GRXCR1: variants seen among roughly 807,000 people sequenced by gnomAD.
The protein encoded by GRXCR1 is glutaredoxin and cysteine rich domain containing 1.
A neutral mutation model predicts 27.3 loss-of-function variants in GRXCR1; 27 were observed. That is an observed-to-expected ratio of 0.99 (90% CI 0.73 to 1.37). The LOEUF (loss-of-function observed/expected upper bound fraction) is 1.37, where lower values mean the gene tolerates loss of function less well. Ranked by LOEUF, GRXCR1 falls within the 40% of genes most tolerant of loss-of-function variation. The probability of loss-of-function intolerance (pLI) is 0.00; values close to 1 mark genes in which losing one functional copy is unlikely to be tolerated. For synonymous variants in GRXCR1, 122 were observed against 131.1 expected, an observed-to-expected ratio of 0.93 and a Z score of 0.47; for missense variants, 379 against 354.4, an observed-to-expected ratio of 1.07 and a Z score of -0.56.
At chr4:43,020,454 C>T (rs543219904) in intron 3 of GRXCR1, 35 bp downstream of exon 3, 1 of 1,298,680 alleles carries the variant, frequency 7.7e-7, no homozygotes, top group South Asian at 1.2e-5. Context: ...TTTTAGTAAT[C>T]AAAATATTAA....
Position 42,932,335 on chromosome 4 carries a change from C to T in GRXCR1, c.385-30557C>T, listed in dbSNP as rs1747331893. Among the ~76,000 whole-genome samples, 3 of 151,642 alleles carry T rather than the reference C, an allele frequency of 2.0e-5. No homozygotes were observed. The South Asian group carries it at 6.2e-4, about 31-fold the overall frequency. ...TGTTCAGTCCCTGGAATATATTTCC[C>T]ACAGCAGTATTCTTACACAAGGATT... On this transcript the variant is annotated intron_variant, in intron 1 of 3. Transcript: ENST00000399770.
At chr4:42,952,476 A>G (rs1747908635) in intron 1 of GRXCR1, among the ~76,000 whole-genome samples, 1 of 151,894 alleles carries the variant, frequency 6.6e-6, no homozygotes, top group Non-Finnish European at 1.5e-5. Context: ...ACCACCCCCT[A>G]CCTCACCAAC....
At chr4:42,992,207 A>G (rs1577935761) in intron 2 of GRXCR1, among the ~76,000 whole-genome samples, 2 of 152,304 alleles carry the variant, frequency 1.3e-5, no homozygotes, top group East Asian at 3.9e-4. Context: ...GCTGTTTCTT[A>G]AGAAGATTAT....
At chr4:42,991,824 C>A (rs1328638303) in intron 2 of GRXCR1, among the ~76,000 whole-genome samples, 7 of 152,122 alleles carry the variant, frequency 4.6e-5, no homozygotes, top group African/African-American at 1.7e-4. Context: ...AATCAATTTT[C>A]AATCCCTTGG....
intron 1 of GRXCR1, among the ~76,000 whole-genome samples, chr4:42,951,634 A>G (rs1179083652): frequency 6.6e-6 from 1 of 152,186 alleles, no homozygotes; most frequent in Non-Finnish European, 1.5e-5. Flanking sequence ...GTATATACTC[A>G]GTAATGGGAT....
intron 1 of GRXCR1, among the ~76,000 whole-genome samples, chr4:42,898,339 C>T (rs1235548175): frequency 6.6e-6 from 1 of 151,844 alleles, no homozygotes; most frequent in Non-Finnish European, 1.5e-5. Context: ...TATATCATTT[C>T]TATAACATCG....
chr4:42,993,944 G>A (rs1025660012), intron 2 of GRXCR1, among the ~76,000 whole-genome samples: 2 of 152,016 alleles, frequency 1.3e-5, no homozygotes, highest in Non-Finnish European at 2.9e-5. Flanking sequence ...GAAGAAAATC[G>A]ACCCAAGCAC....
chr4:42,939,007 G>C (rs1331897579), intron 1 of GRXCR1, among the ~76,000 whole-genome samples: 1 of 151,792 alleles, frequency 6.6e-6, no homozygotes. Flanking sequence ...TGTGGTTCCA[G>C]ATAAATTTTA....
chr4:42,921,292 C>T (rs963582953), intron 1 of GRXCR1, among the ~76,000 whole-genome samples: 1 of 152,084 alleles, frequency 6.6e-6, no homozygotes, highest in Non-Finnish European at 1.5e-5. Flanking sequence ...ACTTCCCACC[C>T]TCTAGAACTC....
intron 2 of GRXCR1, among the ~76,000 whole-genome samples, chr4:42,969,627 G>A (rs967930103): frequency 6.6e-6 from 1 of 152,054 alleles, no homozygotes; most frequent in Admixed American, 6.6e-5. Flanking sequence ...GTGAGAACCT[G>A]CTATCATGAG....
At chr4:42,911,710 T>C (rs1332278474) in intron 1 of GRXCR1, among the ~76,000 whole-genome samples, 1 of 152,156 alleles carries the variant, frequency 6.6e-6, no homozygotes, top group Non-Finnish European at 1.5e-5. Context: ...TGTGAAATCT[T>C]GGGCAAAATC....
chr4:42,945,485 G>T (rs1296122404), intron 1 of GRXCR1, among the ~76,000 whole-genome samples: 2 of 151,942 alleles, frequency 1.3e-5, no homozygotes, highest in African/African-American at 4.8e-5. Context: ...TTTGGGAGTG[G>T]TAACACCATG....
Position 42,963,033 on chromosome 4 carries a change from G to T in GRXCR1, c.526G>T (p.Ala176Ser), listed in dbSNP as rs1326703584. Residue 176 changes from alanine (A) to serine (S), a missense_variant, in exon 2 of 4, where the codon GCC (alanine) becomes TCC (serine). Transcript: ENST00000399770. ...CGTAAAATTTGAAGAGAAAAACATA[G>T]CCCTGAATGGTGAATATGGAAAAGA... Reference protein sequence around the residue: ...HRVKFEEKNIALNGEYGKELD... With the variant: ...HRVKFEEKNISLNGEYGKELD... The T allele has an allele frequency of 6.2e-7, 1 of 1,612,740 alleles. No individual in the cohort carries two copies. The highest frequency in any genetic ancestry group is 8.5e-7 in the Non-Finnish European group (1 of 1,179,122).
intron 3 of GRXCR1, among the ~76,000 whole-genome samples, chr4:43,027,199 C>A (rs1432427094): frequency 6.6e-6 from 1 of 152,162 alleles, no homozygotes; most frequent in Non-Finnish European, 1.5e-5. Flanking sequence ...ATGTGTCAGG[C>A]AATGTGCTGT....
chr4:43,021,961 T>C (rs1272260031), intron 3 of GRXCR1, among the ~76,000 whole-genome samples: 1 of 152,212 alleles, frequency 6.6e-6, no homozygotes. Context: ...CACCTGCCAG[T>C]ATCTTGATTT....
At chr4:42,980,210 T>A (rs1266822963) in intron 2 of GRXCR1, among the ~76,000 whole-genome samples, 1 of 152,000 alleles carries the variant, frequency 6.6e-6, no homozygotes, top group Non-Finnish European at 1.5e-5. Context: ...CTTGTACATC[T>A]TGTTTCTTGA....
chr4:42,971,018 G>A (rs961544923), intron 2 of GRXCR1, among the ~76,000 whole-genome samples: 10 of 152,030 alleles, frequency 6.6e-5, no homozygotes, highest in Non-Finnish European at 1.0e-4. Context: ...TCTTCTGCCC[G>A]GATACCCTAA....
At position 42,893,488 on chromosome 4, in the gene GRXCR1, G is replaced by T. The variant is rs749942331; in HGVS notation, c.222G>T (p.Glu74Asp). The T allele has an allele frequency of 6.2e-7, 1 of 1,613,884 alleles. No individual in the cohort carries two copies. The highest frequency in any genetic ancestry group is 1.7e-5 in the Admixed American group (1 of 59,978). ...TAGAGTCAGAAGGTGATGAGAATGA[G>T]AATGACCAGGATAGCTTGCTGGTGT... Reference protein sequence around the residue: ...GHIESEGDENENDQDSLLVLA... With the variant: ...GHIESEGDENDNDQDSLLVLA... Residue 74 changes from glutamate (E) to aspartate (D), a missense_variant, in exon 1 of 4, where the codon GAG becomes GAT. Transcript: ENST00000399770.
intron 1 of GRXCR1, among the ~76,000 whole-genome samples, chr4:42,934,595 A>C (rs2109759105): frequency 6.6e-6 from 1 of 152,134 alleles, no homozygotes; most frequent in African/African-American, 2.4e-5. Flanking sequence ...ACATTTCTCC[A>C]GTCCTACACT....
Sources: gnomAD v4.1 joint callset for allele counts (sites outside exome capture counted in the v4.1 genomes callset) on GRCh38, gnomAD v4.1.1 for gene constraint, MANE v1.5 for transcripts, NCBI Gene and HGNC (gene_info 2026-07-23, HGNC 2026-07-21) for gene names.